PDE10A: variants seen among roughly 807,000 people sequenced by gnomAD.
The protein encoded by PDE10A is cAMP and cAMP-inhibited cGMP 3',5'-cyclic phosphodiesterase 10A.
PDE10A carries 39 observed loss-of-function variants against 97.7 expected under a neutral mutation model. That is an observed-to-expected ratio of 0.40 (90% CI 0.31 to 0.52). The LOEUF (loss-of-function observed/expected upper bound fraction) is 0.52, where lower values mean the gene tolerates loss of function less well. Among genes scored for constraint, PDE10A ranks in the 20% least tolerant of loss-of-function variants. The pLI is 0.56. For missense variants in PDE10A, 731 were observed against 1,047.8 expected, an observed-to-expected ratio of 0.70 and a Z score of 4.17; for synonymous variants, 371 against 376.8, an observed-to-expected ratio of 0.98 and a Z score of 0.18.
intron 1 of PDE10A, among the ~76,000 whole-genome samples, chr6:165,920,543 TACAC>T (rs55746374): frequency 1.6e-3 from 235 of 149,370 alleles, no homozygotes; most frequent in Middle Eastern, 3.4e-3. Context: ...AGACTGGGCT[TACAC>T]ACACACACAC....
At chr6:165,664,346 C>A (rs1790440964), upstream of PDE10A, among the ~76,000 whole-genome samples, 1 of 152,090 alleles carries the variant, frequency 6.6e-6, no homozygotes, top group South Asian at 2.1e-4. Context: ...TCCCCGACTC[C>A]CATCCAAACT....
intron 1 of PDE10A, among the ~76,000 whole-genome samples, chr6:165,778,027 G>T (rs996436770): frequency 6.8e-6 from 1 of 147,996 alleles, no homozygotes; most frequent in Non-Finnish European, 1.5e-5. Context: ...AATTAAAAAG[G>T]CTACATTTTT....
chr6:165,698,109 C>T (rs956191495), intron 1 of PDE10A, among the ~76,000 whole-genome samples: 1 of 152,140 alleles, frequency 6.6e-6, no homozygotes, highest in African/African-American at 2.4e-5. Flanking sequence ...ATTATTAAAA[C>T]AAATAAACAA....
Position 165,484,356 on chromosome 6 carries a change from A to AGTGG in PDE10A, c.995-2014_995-2013insCCAC, listed in dbSNP as rs1460724382. ...ACACAGCAGGAGGTGAGCGGCGGCA[A>AGTGG]GCGGGCGAAGCTTCATCCGTATTCA... On this transcript the variant is annotated intron_variant, in intron 2 of 21. Transcript: ENST00000539869. Among the ~76,000 whole-genome samples, 4 of 152,342 alleles carry AGTGG rather than the reference A, an allele frequency of 2.6e-5. No individual in the cohort carries two copies. The East Asian group carries it at 7.7e-4, about 29-fold the overall frequency.
chr6:165,762,212 T>C (rs1237781155), intron 1 of PDE10A, among the ~76,000 whole-genome samples: 3 of 152,252 alleles, frequency 2.0e-5, no homozygotes, highest in Non-Finnish European at 2.9e-5. Flanking sequence ...CTGGATTTCC[T>C]GCATTTCTTC....
intron 13 of PDE10A, among the ~76,000 whole-genome samples, chr6:165,402,175 A>G (rs1202801429): frequency 6.6e-6 from 1 of 152,158 alleles, no homozygotes; most frequent in Non-Finnish European, 1.5e-5. Context: ...TTTTATTGTC[A>G]TTTTATATGT....
chr6:165,864,785 A>G (rs1452264197), intron 1 of PDE10A, among the ~76,000 whole-genome samples: 1 of 152,250 alleles, frequency 6.6e-6, no homozygotes, highest in Non-Finnish European at 1.5e-5. Flanking sequence ...AGTTAAACGA[A>G]TTATGGCAGA....
chr6:165,466,414 C>T (rs1778655119), intron 3 of PDE10A, among the ~76,000 whole-genome samples: 1 of 152,188 alleles, frequency 6.6e-6, no homozygotes, highest in South Asian at 2.1e-4. Flanking sequence ...AGTTTAAGTA[C>T]TTTACCCAAC....
At chr6:165,881,115 T>C (rs1178711187) in intron 1 of PDE10A, among the ~76,000 whole-genome samples, 1 of 152,188 alleles carries the variant, frequency 6.6e-6, no homozygotes, top group African/African-American at 2.4e-5. Context: ...ATATTCAGAA[T>C]CTGTAAGAAG....
intron 3 of PDE10A, among the ~76,000 whole-genome samples, chr6:165,459,911 A>G (rs924398188): frequency 6.6e-6 from 1 of 152,250 alleles, no homozygotes; most frequent in African/African-American, 2.4e-5. Flanking sequence ...CAGATAGGGG[A>G]AAAAAGAAAA....
intron 2 of PDE10A, among the ~76,000 whole-genome samples, chr6:165,524,210 A>G (rs1782294224): frequency 6.6e-6 from 1 of 152,108 alleles, no homozygotes. Flanking sequence ...ATGGATATAT[A>G]TCTCCTATTA....
Position 165,388,247 on chromosome 6 carries a change from T to C in PDE10A, c.2610+51A>G, listed in dbSNP as rs773166944. ...CTTTTCCACCTATGAAGTATCCCTATCTCCCAGACAGCCCTTCAGACTAAG... is the reference window on the plus strand; with the variant it reads ...CTTTTCCACCTATGAAGTATCCCTACCTCCCAGACAGCCCTTCAGACTAAG... On this transcript the variant is annotated intron_variant, in intron 17 of 21. Coordinates refer to ENST00000539869, the MANE Select transcript of PDE10A (RefSeq NM_001385079.1). The surrounding 1 kb of genome is among the most constrained non-coding windows in gnomAD (Gnocchi z 4.0). 6.4e-7 allele frequency: 1 copy of C among 1,565,566 alleles called. No homozygotes were observed. Among genetic ancestry groups the C allele is most frequent in the Non-Finnish European group, 8.8e-7 (1 of 1,138,160 alleles).
At chr6:165,577,308 T>A (rs1430030021) in intron 1 of PDE10A, among the ~76,000 whole-genome samples, 1 of 152,156 alleles carries the variant, frequency 6.6e-6, no homozygotes, top group Non-Finnish European at 1.5e-5. Context: ...CCTACTCTAC[T>A]CTCAGAAGTA....
At chr6:165,756,012 A>G (rs1478210853) in intron 1 of PDE10A, among the ~76,000 whole-genome samples, 1 of 152,172 alleles carries the variant, frequency 6.6e-6, no homozygotes, top group Non-Finnish European at 1.5e-5. Context: ...CAGGACTCTT[A>G]GAGCCTGGCT....
intron 1 of PDE10A, among the ~76,000 whole-genome samples, chr6:165,778,807 A>G (rs1392103877): frequency 6.6e-6 from 1 of 152,132 alleles, no homozygotes; most frequent in Non-Finnish European, 1.5e-5. Flanking sequence ...TTTTTCTTCT[A>G]TGAAATTCTT....
At chr6:165,969,448 G>GAGGAGAAGAGAGGT (rs1191265273) in intron 1 of PDE10A, among the ~76,000 whole-genome samples, 2 of 152,134 alleles carry the variant, frequency 1.3e-5, no homozygotes, top group Non-Finnish European at 2.9e-5. Flanking sequence ...TATAGCGATG[G>GAGGAGAAGAGAGGT]AGGAGAAGAG....
At chr6:165,820,525 A>T (rs1320368004) in intron 1 of PDE10A, among the ~76,000 whole-genome samples, 1 of 152,210 alleles carries the variant, frequency 6.6e-6, no homozygotes, top group African/African-American at 2.4e-5. Context: ...TTTGGGTTTG[A>T]AATCAGGTGA....
At chr6:165,668,890 G>A (rs1470176215) in intron 1 of PDE10A, among the ~76,000 whole-genome samples, 2 of 152,190 alleles carry the variant, frequency 1.3e-5, no homozygotes, top group African/African-American at 2.4e-5. Flanking sequence ...TTTTAATGAG[G>A]AGACAATGCT....
intron 1 of PDE10A, among the ~76,000 whole-genome samples, chr6:165,800,726 G>T (rs1778960698): frequency 6.6e-6 from 1 of 152,198 alleles, no homozygotes. Flanking sequence ...GATGGGCAAG[G>T]TACGACTACA....
Sources: gnomAD v4.1 joint callset for allele counts (sites outside exome capture counted in the v4.1 genomes callset) on GRCh38, gnomAD v4.1.1 for gene constraint, Gnocchi (gnomAD v3.1) non-coding constraint, MANE v1.5 for transcripts, NCBI Gene and HGNC (gene_info 2026-07-23, HGNC 2026-07-21) for gene names.